AMN1: variants seen among roughly 807,000 people sequenced by gnomAD.
AMN1 encodes antagonist of mitotic exit network 1 homolog.
Under a neutral mutation model 33.0 loss-of-function variants are expected in AMN1, and 20 were observed. The observed-to-expected ratio is 0.61, with a 90% CI of 0.43 to 0.88. The LOEUF (loss-of-function observed/expected upper bound fraction) is 0.88. Among genes scored for constraint, AMN1 ranks in the 40% least tolerant of loss-of-function variants. The pLI, the probability that AMN1 is intolerant of heterozygous loss-of-function variation, is 0.00. For synonymous variants in AMN1, 114 were observed against 111.9 expected (o/e 1.02, Z -0.12); for missense variants, 246 against 307.4 (o/e 0.80, Z 1.49).
intron 1 of AMN1, among the ~76,000 whole-genome samples, chr12:31,713,704 AG>A (rs1231505983): frequency 3.3e-5 from 5 of 152,230 alleles, no homozygotes; most frequent in African/African-American, 1.2e-4. Flanking sequence ...AGCTGGGTGT[AG>A]TGGCATTCAC....
In AMN1 at chr12:31,701,935, A is replaced by G; in HGVS notation, c.244T>C (p.Ser82Pro). 1 of 1,610,114 alleles carries G rather than the reference A, an allele frequency of 6.2e-7. No individual in the cohort carries two copies. Among genetic ancestry groups the G allele is most frequent in the Non-Finnish European group, 8.5e-7 (1 of 1,178,748 alleles). ...AATTTCTTCAGTTTTCTACAGTTAG[A>G]CAGGTGCAGGAGAGCAGCATCTGAT... The part of the protein sequence containing the change: ...DISDAALLHL[S>P]NCRKLKKLNL... The change falls in exon 3 of 7, where the codon TCT becomes CCT. Residue 82 changes from serine to proline, a missense_variant. Transcript: ENST00000281471.
intron 2 of AMN1, among the ~76,000 whole-genome samples, chr12:31,706,069 T>C (rs946011728): frequency 6.6e-6 from 1 of 151,942 alleles, no homozygotes; most frequent in African/African-American, 2.4e-5. Flanking sequence ...TCCCAGCACT[T>C]TGGGAGGCTG....
intron 1 of AMN1, among the ~76,000 whole-genome samples, chr12:31,713,231 TGTATAA>T (rs1233715219): frequency 6.6e-5 from 10 of 152,144 alleles, no homozygotes; most frequent in African/African-American, 2.2e-4. Flanking sequence ...TATATATGTA[TGTATAA>T]GTATCTCTCT....
Position 31,687,244 on chromosome 12 carries a change from AT to A in AMN1, c.703+1762del, listed in dbSNP as rs1938304619. ...CATAAAGATCTAATCTTCACTACAG[AT>A]GTCACTGATACCCAGATACAATCTA... On this transcript the variant is annotated intron_variant, in intron 6 of 6. Transcript: ENST00000281471. The surrounding 1 kb of genome is among the most constrained non-coding windows in gnomAD (Gnocchi z 4.1). Among the ~76,000 whole-genome samples the A allele has an allele frequency of 6.6e-6, 1 of 152,210 alleles. No homozygotes were observed.
At chr12:31,684,256 A>T (rs1006838159) in intron 6 of AMN1, among the ~76,000 whole-genome samples, 1 of 152,178 alleles carries the variant, frequency 6.6e-6, no homozygotes, top group Non-Finnish European at 1.5e-5. Flanking sequence ...CATTGCAACA[A>T]CCCATAAGAA....
chr12:31,684,570 A>T (rs1488190554), intron 6 of AMN1, among the ~76,000 whole-genome samples: 3 of 150,630 alleles, frequency 2.0e-5, no homozygotes, highest in Non-Finnish European at 4.4e-5. Context: ...TCCCAAGTTC[A>T]TGCCATTCTC....
intron 6 of AMN1, chr12:31,673,204 G>C (rs916462533): frequency 5.3e-5 from 8 of 150,826 alleles, no homozygotes; most frequent in African/African-American, 2.0e-4. Context: ...CTCTAACCTA[G>C]TCTTGGAAAT....
intron 5 of AMN1, 99 bp downstream of exon 5, chr12:31,697,262 G>A (rs531780557): frequency 2.3e-5 from 23 of 990,682 alleles, no homozygotes; most frequent in African/African-American, 9.8e-5. Flanking sequence ...CCTAAAATAC[G>A]TAATTGATAA....
chr12:31,729,136 C>A (rs1229936951), upstream of AMN1: 2 of 1,098,292 alleles, frequency 1.8e-6, no homozygotes, highest in Non-Finnish European at 2.5e-6. Context: ...TTTCCGGTGA[C>A]CGGGGCGTGG....
chr12:31,724,690 A>C, intron 1 of AMN1, among the ~76,000 whole-genome samples: 1 of 149,376 alleles, frequency 6.7e-6, no homozygotes, highest in Non-Finnish European at 1.5e-5. Context: ...TCTGCCCCCC[A>C]CCGCCACCTT....
intron 6 of AMN1, among the ~76,000 whole-genome samples, chr12:31,678,116 G>A (rs1268010286): frequency 3.9e-5 from 6 of 152,162 alleles, no homozygotes; most frequent in East Asian, 3.9e-4. Flanking sequence ...GTTTTCCCTG[G>A]GTGTTTGGCT....
rs1592160948 is a variant in AMN1 at position 31,697,969 on chromosome 12, T to C, written c.317-12A>G. On this transcript the variant is annotated splice_polypyrimidine_tract_variant and intron_variant, in intron 3 of 6. Coordinates refer to ENST00000281471, the MANE Select transcript of AMN1 (RefSeq NM_001113402.2). ...CACAGCTTTTATTCCTGGGGGAAAA[T>C]ATAATTATATATCAATGAGCTATAT... 1 of 1,610,946 alleles carries C rather than the reference T, an allele frequency of 6.2e-7. No individual in the cohort carries two copies.
intron 1 of AMN1, among the ~76,000 whole-genome samples, chr12:31,717,088 C>T (rs1217259734): frequency 6.6e-6 from 1 of 151,942 alleles, no homozygotes; most frequent in Non-Finnish European, 1.5e-5. Context: ...TCTATTTGTC[C>T]TGATGCTATC....
chr12:31,674,949 G>C (rs560750837), intron 6 of AMN1, among the ~76,000 whole-genome samples: 85 of 151,744 alleles, frequency 5.6e-4, no homozygotes, highest in African/African-American at 2.0e-3. Context: ...TTGAATCCAG[G>C]AGGCAGAGAT....
At chr12:31,712,152 C>T (rs142519317) in intron 1 of AMN1, among the ~76,000 whole-genome samples, 2 of 152,104 alleles carry the variant, frequency 1.3e-5, no homozygotes, top group East Asian at 3.9e-4. Flanking sequence ...TCACAGCTCA[C>T]TGCAGCCTTA....
At chr12:31,694,170 G>GGT (rs1200521377) in intron 5 of AMN1, among the ~76,000 whole-genome samples, 2 of 151,242 alleles carry the variant, frequency 1.3e-5, no homozygotes, top group African/African-American at 4.9e-5. Context: ...GGCTGGGTGC[G>GGT]GTGGCTCACA....
intron 5 of AMN1, 39 bp from the exon 6 acceptor site, chr12:31,689,157 A>G: frequency 7.3e-7 from 1 of 1,362,890 alleles, no homozygotes; most frequent in Non-Finnish European, 1.0e-6. Context: ...AATGAAAACA[A>G]AGATCTATAA....
At chr12:31,713,099 C>A (rs1294002295) in intron 1 of AMN1, among the ~76,000 whole-genome samples, 1 of 151,940 alleles carries the variant, frequency 6.6e-6, no homozygotes, top group Non-Finnish European at 1.5e-5. Context: ...TTTTTGAGGA[C>A]CATTTTGTTA....
chr12:31,718,907 C>T (rs1046647596), intron 1 of AMN1, among the ~76,000 whole-genome samples: 6 of 152,252 alleles, frequency 3.9e-5, no homozygotes, highest in Non-Finnish European at 7.3e-5. Flanking sequence ...GCAGACGCCC[C>T]TCCCCCCGCC....
Sources: gnomAD v4.1 joint callset for allele counts (sites outside exome capture counted in the v4.1 genomes callset) on GRCh38, gnomAD v4.1.1 for gene constraint, Gnocchi (gnomAD v3.1) non-coding constraint, MANE v1.5 for transcripts, NCBI Gene and HGNC (gene_info 2026-07-23, HGNC 2026-07-21) for gene names.